FER: variants seen among roughly 807,000 people sequenced by gnomAD.
The protein encoded by FER is tyrosine-protein kinase Fer.
A neutral mutation model predicts 111.0 loss-of-function variants in FER; 63 were observed. The observed-to-expected ratio is 0.57, with a 90% CI of 0.46 to 0.70. The LOEUF is 0.70. Among genes scored for constraint, FER ranks in the 30% least tolerant of loss-of-function variants. The pLI is 0.00. For missense variants in FER, 914 were observed against 954.0 expected (o/e 0.96, Z 0.55); for synonymous variants, 327 against 313.9 (o/e 1.04, Z -0.44).
intron 3 of FER, among the ~76,000 whole-genome samples, chr5:108,816,641 T>G (rs765629850): frequency 1.8e-4 from 28 of 152,208 alleles, no homozygotes; most frequent in Non-Finnish European, 2.9e-4. Context: ...TATTCTGTAA[T>G]TTTTGTACAA....
chr5:108,827,822 C>CTTT (rs5870331), intron 3 of FER, among the ~76,000 whole-genome samples: 25,477 of 121,280 alleles, frequency 0.21, 2,807 homozygotes, highest in African/African-American at 0.24. Flanking sequence ...GAGTTAGTAT[C>CTTT]TTTTTTTTTT....
At chr5:108,873,488 C>G (rs1376408090) in intron 8 of FER, among the ~76,000 whole-genome samples, 17 of 152,162 alleles carry the variant, frequency 1.1e-4, no homozygotes, top group Admixed American at 1.1e-3. Flanking sequence ...ATTGAAGAAA[C>G]TAACAAATAT....
intron 3 of FER, among the ~76,000 whole-genome samples, chr5:108,812,219 G>A (rs1049869064): frequency 3.9e-5 from 6 of 152,150 alleles, no homozygotes; most frequent in Non-Finnish European, 8.8e-5. Flanking sequence ...ATGCATAAAT[G>A]TTTAGAAATG....
At chr5:108,798,060 T>TG in intron 2 of FER, 64 bp from the exon 3 acceptor site, 1 of 640,946 alleles carries the variant, frequency 1.6e-6, no homozygotes, top group Non-Finnish European at 2.6e-6. Flanking sequence ...ATCATAACTT[T>TG]TTTTTTTTTG....
chr5:108,853,347 C>T (rs991954347), intron 5 of FER, among the ~76,000 whole-genome samples: 1 of 152,096 alleles, frequency 6.6e-6, no homozygotes, highest in African/African-American at 2.4e-5. Flanking sequence ...AAAATCCCAG[C>T]CTCCTTGAGG....
At chr5:108,860,541 G>T (rs1373547061) in intron 5 of FER, among the ~76,000 whole-genome samples, 1 of 152,152 alleles carries the variant, frequency 6.6e-6, no homozygotes, top group Non-Finnish European at 1.5e-5. Context: ...ACCACACTGA[G>T]TAAAAAAGGT....
intron 13 of FER, among the ~76,000 whole-genome samples, chr5:109,013,000 C>G (rs1022284904): frequency 1.3e-5 from 2 of 151,298 alleles, no homozygotes; most frequent in Non-Finnish European, 2.9e-5. Context: ...TTACCTGTTA[C>G]TAGAATGGTG....
chr5:109,175,878 C>T (rs543574842), intron 17 of FER, among the ~76,000 whole-genome samples: 233 of 152,230 alleles, frequency 1.5e-3, no homozygotes, highest in African/African-American at 5.3e-3. Context: ...CTTTGGGAGG[C>T]CGAGGTGGGA....
At chr5:108,967,865 G>C (rs1760102379) in intron 13 of FER, among the ~76,000 whole-genome samples, 1 of 151,400 alleles carries the variant, frequency 6.6e-6, no homozygotes, top group Non-Finnish European at 1.5e-5. Context: ...TCTCAATGTA[G>C]TCCATAGTTT....
At chr5:109,078,581 C>T (rs1241389601) in intron 16 of FER, among the ~76,000 whole-genome samples, 2 of 152,096 alleles carry the variant, frequency 1.3e-5, no homozygotes, top group African/African-American at 4.8e-5. Context: ...GGTCTGTTTA[C>T]TGACTCTCCC....
intron 10 of FER, among the ~76,000 whole-genome samples, chr5:108,938,780 C>A (rs1484357883): frequency 6.6e-6 from 1 of 151,804 alleles, no homozygotes; most frequent in Non-Finnish European, 1.5e-5. Context: ...GAGACTGTGG[C>A]CAGAAAGAGG....
At chr5:109,058,216 G>A (rs929711657) in intron 16 of FER, among the ~76,000 whole-genome samples, 3 of 151,894 alleles carry the variant, frequency 2.0e-5, no homozygotes, top group African/African-American at 7.3e-5. Context: ...TATGATAAAG[G>A]GCTTCTAAGA....
At chr5:108,945,095 C>A (rs1485672528) in intron 10 of FER, among the ~76,000 whole-genome samples, 1 of 152,044 alleles carries the variant, frequency 6.6e-6, no homozygotes, top group Admixed American at 6.6e-5. Context: ...CAGAGATATA[C>A]CCTAGGTATT....
At chr5:108,760,954 G>A (rs539869158) in intron 1 of FER, among the ~76,000 whole-genome samples, 24 of 150,408 alleles carry the variant, frequency 1.6e-4, no homozygotes, top group Non-Finnish European at 2.5e-4. Flanking sequence ...TTTTTGAGAT[G>A]GAGTCTCGCT....
chr5:108,848,076 C>T (rs909319894), intron 5 of FER, among the ~76,000 whole-genome samples: 14 of 152,106 alleles, frequency 9.2e-5, no homozygotes, highest in Middle Eastern at 3.4e-3. Context: ...GATGGGGTTT[C>T]GCCATCTTCC....
intron 5 of FER, among the ~76,000 whole-genome samples, chr5:108,836,410 G>A (rs1760667170): frequency 6.6e-6 from 1 of 152,060 alleles, no homozygotes; most frequent in Admixed American, 6.5e-5. Flanking sequence ...ACTAAGCATA[G>A]TTTATGAACA....
At chr5:109,019,452 A>C (rs1767639110) in intron 13 of FER, among the ~76,000 whole-genome samples, 1 of 151,884 alleles carries the variant, frequency 6.6e-6, no homozygotes, top group Admixed American at 6.6e-5. Context: ...TATCATTATT[A>C]GTACTGTCAA....
chr5:109,183,088 C>T lies in FER; in HGVS notation c.2203+2187C>T, dbSNP rs114969315. 6.2e-3 allele frequency among the ~76,000 whole-genome samples: 950 copies of T among 152,104 alleles called. 5 individuals are homozygous for T. The highest frequency in any genetic ancestry group is 0.017 in the Middle Eastern group (5 of 292). Reference sequence around the variant, plus strand: ...ATGAAACGTAGAACAATTTAGATGACAAGGAAGGAGAGATTTTGATATAGG... The same window carrying T: ...ATGAAACGTAGAACAATTTAGATGATAAGGAAGGAGAGATTTTGATATAGG... On this transcript the variant is annotated intron_variant, in intron 18 of 19. Coordinates refer to ENST00000281092, the MANE Select transcript of FER (RefSeq NM_005246.4).
At chr5:108,883,623 CTT>C in intron 9 of FER, 105 bp downstream of exon 9, 2 of 637,620 alleles carry the variant, frequency 3.1e-6, no homozygotes, top group Non-Finnish European at 4.3e-6. Context: ...GAAACAGAAA[CTT>C]TTATTTTAAG....
Sources: gnomAD v4.1 joint callset for allele counts (sites outside exome capture counted in the v4.1 genomes callset) on GRCh38, gnomAD v4.1.1 for gene constraint, MANE v1.5 for transcripts, NCBI Gene and HGNC (gene_info 2026-07-23, HGNC 2026-07-21) for gene names.